FGF12: variants seen among roughly 807,000 people sequenced by gnomAD.
The protein encoded by FGF12 is fibroblast growth factor 12B.
A neutral mutation model predicts 23.6 loss-of-function variants in FGF12; 14 were observed. The observed-to-expected ratio is 0.59, with a 90% CI of 0.39 to 0.93. The LOEUF is 0.93. Ranked by LOEUF, FGF12 falls within the 40% of genes least tolerant of loss-of-function variation. The probability of loss-of-function intolerance (pLI) is 0.00; values close to 1 mark genes in which losing one functional copy is unlikely to be tolerated. For missense variants in FGF12, 175 were observed against 217.8 expected (o/e 0.80, Z 1.24); for synonymous variants, 62 against 77.3 (o/e 0.80, Z 1.04).
rs144516254 is a variant in FGF12, at chr3:192,716,770, G to A, written c.13+10411C>T. Among the ~76,000 whole-genome samples the A allele has an allele frequency of 4.6e-3, 702 of 152,240 alleles. 3 individuals carry two copies. The highest frequency in any genetic ancestry group is 0.015 in the African/African-American group (638 of 41,538). On this transcript the variant is annotated intron_variant, in intron 2 of 5. Coordinates refer to ENST00000445105, the MANE Select transcript of FGF12 (RefSeq NM_004113.6). Reference sequence around the variant, plus strand: ...TTTGTCTCATTAACCTAGAAAGAGCGTCATTGTACAAATTAGGAAGCAAGG... The same window carrying A: ...TTTGTCTCATTAACCTAGAAAGAGCATCATTGTACAAATTAGGAAGCAAGG...
At chr3:192,543,890 A>G (rs1336694441) in intron 2 of FGF12, among the ~76,000 whole-genome samples, 1 of 152,146 alleles carries the variant, frequency 6.6e-6, no homozygotes, top group Non-Finnish European at 1.5e-5. Context: ...TCCAAGTGGC[A>G]AGTAAAGTCC....
intron 2 of FGF12, among the ~76,000 whole-genome samples, chr3:192,488,138 G>A (rs1366144061): frequency 2.0e-5 from 3 of 151,966 alleles, no homozygotes; most frequent in African/African-American, 7.3e-5. Context: ...GTTTTCCTAA[G>A]CTATTTATAT....
chr3:192,586,557 G>A (rs1411782841), intron 2 of FGF12, among the ~76,000 whole-genome samples: 1 of 152,100 alleles, frequency 6.6e-6, no homozygotes, highest in Non-Finnish European at 1.5e-5. Flanking sequence ...ATAGTGCTTG[G>A]AAAATTGGTA....
At chr3:192,693,406 G>C (rs1718007939) in intron 2 of FGF12, among the ~76,000 whole-genome samples, 1 of 152,030 alleles carries the variant, frequency 6.6e-6, no homozygotes, top group African/African-American at 2.4e-5. Context: ...ATGGAAATTG[G>C]AAAATTAATT....
intron 3 of FGF12, among the ~76,000 whole-genome samples, chr3:192,342,371 A>C (rs1717733619): frequency 6.6e-6 from 1 of 152,196 alleles, no homozygotes; most frequent in South Asian, 2.1e-4. Flanking sequence ...CATGGGATGC[A>C]TAGGCCTGGT....
intron 4 of FGF12, among the ~76,000 whole-genome samples, chr3:192,185,802 T>A (rs1268194065): frequency 4.0e-5 from 6 of 150,630 alleles, no homozygotes; most frequent in African/African-American, 9.8e-5. Flanking sequence ...GAGGTGGCAA[T>A]GAGCCAAGAT....
chr3:192,290,680 A>T (rs978488344), intron 4 of FGF12, among the ~76,000 whole-genome samples: 4 of 152,214 alleles, frequency 2.6e-5, no homozygotes, highest in Admixed American at 2.6e-4. Flanking sequence ...TTTCCAACAC[A>T]TCATGATACT....
chr3:192,369,137 A>G (rs750095590), intron 2 of FGF12, among the ~76,000 whole-genome samples: 2 of 152,212 alleles, frequency 1.3e-5, no homozygotes, highest in Non-Finnish European at 2.9e-5. Flanking sequence ...CATCAACTCT[A>G]TCCCAGCACC....
chr3:192,613,783 T>G (rs1209383504), intron 2 of FGF12, among the ~76,000 whole-genome samples: 2 of 151,950 alleles, frequency 1.3e-5, no homozygotes, highest in East Asian at 1.9e-4. Context: ...AAATGAAATC[T>G]TTGATTAGTA....
chr3:192,301,536 T>C (rs980133609), intron 4 of FGF12, among the ~76,000 whole-genome samples: 1 of 152,136 alleles, frequency 6.6e-6, no homozygotes, highest in African/African-American at 2.4e-5. Flanking sequence ...CAGGCATTAG[T>C]TAAGTGAGTA....
chr3:192,708,038 C>A (rs947102152), intron 2 of FGF12, among the ~76,000 whole-genome samples: 2 of 152,162 alleles, frequency 1.3e-5, no homozygotes, highest in Non-Finnish European at 2.9e-5. Flanking sequence ...CGGCTCACTG[C>A]AAGCTCCGCC....
chr3:192,324,556 T>A (rs1354310381), intron 4 of FGF12, among the ~76,000 whole-genome samples: 1 of 152,242 alleles, frequency 6.6e-6, no homozygotes, highest in African/African-American at 2.4e-5. Flanking sequence ...CATATCCTCA[T>A]TATTACCCCT....
At chr3:192,210,001 G>A (rs1717846836) in intron 4 of FGF12, among the ~76,000 whole-genome samples, 1 of 152,148 alleles carries the variant, frequency 6.6e-6, no homozygotes, top group African/African-American at 2.4e-5. Context: ...CTGGGCTTCT[G>A]TTTTTGCCAT....
chr3:192,676,794 G>A (rs961074776), intron 2 of FGF12, among the ~76,000 whole-genome samples: 1 of 152,160 alleles, frequency 6.6e-6, no homozygotes, highest in Non-Finnish European at 1.5e-5. Flanking sequence ...GGCAAAAATT[G>A]CCAACAAACA....
At chr3:192,697,536 A>T (rs1476093997) in intron 2 of FGF12, among the ~76,000 whole-genome samples, 1 of 152,182 alleles carries the variant, frequency 6.6e-6, no homozygotes, top group Admixed American at 6.5e-5. Flanking sequence ...AGAAGGCTCA[A>T]ATGTTACTTG....
At chr3:192,422,248 C>T (rs185282692) in intron 2 of FGF12, among the ~76,000 whole-genome samples, 10 of 152,192 alleles carry the variant, frequency 6.6e-5, no homozygotes, top group Admixed American at 4.6e-4. Context: ...TTACTCAGTA[C>T]GGAACTTTGA....
chr3:192,702,531 G>C (rs781715373), intron 2 of FGF12, among the ~76,000 whole-genome samples: 1 of 151,042 alleles, frequency 6.6e-6, no homozygotes, highest in Non-Finnish European at 1.5e-5. Flanking sequence ...AGTGGATCAC[G>C]CCTGTAATCC....
intron 4 of FGF12, among the ~76,000 whole-genome samples, chr3:192,228,521 G>C (rs1471432109): frequency 6.6e-6 from 1 of 151,992 alleles, no homozygotes; most frequent in Non-Finnish European, 1.5e-5. Flanking sequence ...GTCAAGGCGC[G>C]TCACCTTTGG....
At chr3:192,322,609 A>G (rs1010888498) in intron 4 of FGF12, among the ~76,000 whole-genome samples, 1 of 152,164 alleles carries the variant, frequency 6.6e-6, no homozygotes, top group African/African-American at 2.4e-5. Context: ...CTGTAGAGAT[A>G]TAGTAACCAA....
Sources: allele counts gnomAD v4.1 joint callset (sites outside exome capture counted in the v4.1 genomes callset), GRCh38; gene constraint gnomAD v4.1.1; transcripts MANE v1.5; gene names NCBI Gene and HGNC (gene_info 2026-07-23, HGNC 2026-07-21).